Variants in ZNF318 observed in about 807,000 individuals in gnomAD.
The protein encoded by ZNF318 is endocrine regulator.
ZNF318 carries 51 observed loss-of-function variants against 124.2 expected under a neutral mutation model. That is an observed-to-expected ratio of 0.41 (90% CI 0.33 to 0.52). The LOEUF (loss-of-function observed/expected upper bound fraction) is 0.52, where lower values mean the gene tolerates loss of function less well. Ranked by LOEUF, ZNF318 falls within the 20% of genes least tolerant of loss-of-function variation. ZNF318 has a pLI of 0.23. For missense variants in ZNF318, 2,815 were observed against 2,811.2 expected (o/e 1.00, Z -0.03); for synonymous variants, 1,090 against 1,040.7 (o/e 1.05, Z -0.91).
Position 43,339,405 on chromosome 6 carries a change from C to A in ZNF318, c.4593G>T (p.Leu1531=), listed in dbSNP as rs760134728. 6.2e-7 allele frequency: 1 copy of A among 1,613,040 alleles called. No homozygotes were observed. ...GTGGAGGACGTACTAACACAGAGAA[C>A]AGGGTCTGGTCTCGGTCACTCTCAC... is the stretch of plus-strand genomic sequence containing the variant. ...GVSESDRDQT[L]FSVLVRPPPP... is the part of the protein sequence containing the mutation. The change falls in exon 10 of 10, where the codon CTG becomes CTT. Residue 1531 remains leucine (L), a synonymous_variant. Transcript: ENST00000361428. The surrounding 1 kb of genome is among the most constrained non-coding windows in gnomAD (Gnocchi z 4.2).
rs1562128345 is a variant in ZNF318 at position 43,339,648 on chromosome 6, TGGAGGTGGG to T, written c.4341_4349del (p.Pro1454_Pro1456del). 1 of 785,822 alleles carries T rather than the reference TGGAGGTGGG, an allele frequency of 1.3e-6. No individual in the cohort carries two copies. Among genetic ancestry groups the T allele is most frequent in the Non-Finnish European group, 1.8e-6 (1 of 540,628 alleles). The allele number at this position is 785,822 out of a possible 1,614,324, so 48.7% of individuals were successfully genotyped here. A position where few individuals can be genotyped will look rare whatever the true frequency, so the allele number is the denominator to read the frequency against. ...GTATAACGGGGGGTGGTGGAGGTGG[TGGAGGTGGG>T]GGTGGTGGAGGAGGTGGTAGTATTT... On this transcript the variant is annotated inframe_deletion, in exon 10 of 10. Coordinates refer to ENST00000361428, the MANE Select transcript of ZNF318 (RefSeq NM_014345.3). The surrounding 1 kb of genome is among the most constrained non-coding windows in gnomAD (Gnocchi z 4.2).
At chr6:43,368,734 C>T (rs1302662005) in intron 1 of ZNF318, 5 of 985,356 alleles carry the variant, frequency 5.1e-6, no homozygotes, top group Non-Finnish European at 6.0e-6. Flanking sequence ...ACAGCCTATT[C>T]CTAAGGAACG....
At chr6:43,347,685 C>T (rs776479058) in intron 6 of ZNF318, among the ~76,000 whole-genome samples, 2 of 152,126 alleles carry the variant, frequency 1.3e-5, no homozygotes, top group Non-Finnish European at 2.9e-5. Context: ...ACTCAGAAGA[C>T]TCATTTGACT....
At chr6:43,342,468 C>G (rs906994625) in intron 7 of ZNF318, among the ~76,000 whole-genome samples, 1 of 152,104 alleles carries the variant, frequency 6.6e-6, no homozygotes, top group Non-Finnish European at 1.5e-5. Context: ...ACCTCACTTA[C>G]ACTTGTCATG....
Position 43,337,826 on chromosome 6 carries a change from C to G in ZNF318, c.6172G>C (p.Asp2058His), listed in dbSNP as rs766279246. 2 of 1,614,012 alleles carry G rather than the reference C, an allele frequency of 1.2e-6. No homozygotes were observed. The highest frequency in any genetic ancestry group is 1.3e-5 in the African/African-American group (1 of 74,898). The change falls in exon 10 of 10, where the codon GAT becomes CAT. Residue 2058 changes from aspartate to histidine, a missense_variant. Asp to His is a moderately conservative substitution (Grantham distance 81). This residue lies in a region of ZNF318 where 927 missense variants were observed against 820.6 expected (regional missense o/e 1.13). Transcript: ENST00000361428. ...SVSPIGCNSS[D>H]PADFEPIPSF... ...GGGATTGGTTCGAAGTCAGCGGGAT[C>G]GGAGGAATTACACCCTATAGGTGAT...
Position 43,355,775 on chromosome 6 carries a change from G to A in ZNF318, c.1559C>T (p.Thr520Ile). Residue 520 changes from threonine (T) to isoleucine (I), a missense_variant, in exon 4 of 10, where the codon ACA becomes ATA. Thr to Ile is a moderately conservative substitution (Grantham distance 89). Around this residue, in one of 4 missense-constraint regions of ZNF318, gnomAD observed 1,377 missense variants for 1,353.5 expected, o/e 1.02. Transcript: ENST00000361428. ...AAAGCTACGTCGCCTTTTTTCCTGT[G>A]TACTGGTAGAATCAGCCAACATGCT... Reference protein sequence around the residue: ...ILSMLADSTSTQEKRRRSFPD... With the variant: ...ILSMLADSTSIQEKRRRSFPD... 2 of 1,614,120 alleles carry A rather than the reference G, an allele frequency of 1.2e-6. No individual in the cohort carries two copies. Among genetic ancestry groups the A allele is most frequent in the African/African-American group, 1.3e-5 (1 of 75,018 alleles).
rs1175369141 is a variant in ZNF318 at position 43,342,577 on chromosome 6, G to A, written c.3276+99C>T. The A allele has an allele frequency of 7.6e-6, 10 of 1,309,830 alleles. No individual in the cohort carries two copies. The Admixed American group carries it at 9.0e-5, about 12-fold the overall frequency. The allele number at this position is 1,309,830 out of a possible 1,614,324, so 81.1% of individuals were successfully genotyped here. ...TTCAGACTGGGGCTCCTGCCCATAT[G>A]AGAATGTTTCCTTTTCCAGCTTTGC... On this transcript the variant is annotated intron_variant, in intron 7 of 9. Transcript: ENST00000361428.
chr6:43,357,839 T>TG, intron 2 of ZNF318, 74 bp from the exon 3 acceptor site: 1 of 1,392,954 alleles, frequency 7.2e-7, no homozygotes, highest in Non-Finnish European at 9.7e-7. Flanking sequence ...AAGAGACTGG[T>TG]GTTTGTCAAG....
rs1342688461 is a variant in ZNF318 at position 43,342,274 on chromosome 6, CT to C, written c.3277-64del. ...TAAAAGCTCAATGACCCACTTTTCT[CT>C]TTTTTTTCCCCCATAATAAGACCAG... On this transcript the variant is annotated intron_variant, in intron 7 of 9. Coordinates refer to ENST00000361428, the MANE Select transcript of ZNF318 (RefSeq NM_014345.3). The C allele has an allele frequency of 3.3e-5, 44 of 1,351,372 alleles. 1 individual carries two copies. Among genetic ancestry groups the C allele is most frequent in the African/African-American group, 7.3e-5 (5 of 68,060 alleles). 83.7% of individuals were successfully genotyped at this position (1,351,372 alleles called of 1,614,324 possible). A position where few individuals can be genotyped will look rare whatever the true frequency, so the allele number is the denominator to read the frequency against.
intron 7 of ZNF318, 35 bp from the exon 8 acceptor site, chr6:43,342,246 C>A: frequency 6.6e-7 from 1 of 1,517,876 alleles, no homozygotes. Context: ...CACACAACAG[C>A]ACTAAAAGCT....
At chr6:43,341,458 C>G (rs908279453) in intron 8 of ZNF318, among the ~76,000 whole-genome samples, 1 of 152,088 alleles carries the variant, frequency 6.6e-6, no homozygotes, top group African/African-American at 2.4e-5. Context: ...CGAGACCATC[C>G]TGGCTAACAC....
In ZNF318 at chr6:43,353,687, T is replaced by C. The variant is rs1315251377; in HGVS notation, c.2670+977A>G. Among the ~76,000 whole-genome samples the C allele has an allele frequency of 2.0e-5, 3 of 152,214 alleles. No individual in the cohort carries two copies. In the East Asian group the frequency reaches 5.8e-4, roughly 29 times the overall value. On this transcript the variant is annotated intron_variant, in intron 4 of 9. Transcript: ENST00000361428. The stretch of plus-strand genomic sequence containing the variant: ...CCACGCCCAGCCAGGTCTTAACTTT[T>C]ATGAGCAAACCAAATTAGACACATT...
chr6:43,356,167 A>G (rs1562134250), intron 3 of ZNF318, 22 bp from the exon 4 acceptor site: 1 of 1,594,082 alleles, frequency 6.3e-7, no homozygotes. Flanking sequence ...AACACAACTG[A>G]TTTAGTCTTA....
intron 2 of ZNF318, chr6:43,363,815 A>C: frequency 1.1e-6 from 1 of 903,190 alleles, no homozygotes; most frequent in South Asian, 1.5e-5. Context: ...GGGGACTACA[A>C]TGGCCACGTC....
rs767802216 is a variant in ZNF318, at chr6:43,357,121, G to A, written c.1188+5C>T. 6 of 1,603,692 alleles carry A rather than the reference G, an allele frequency of 3.7e-6. No individual in the cohort carries two copies. The South Asian group carries it at 6.7e-5, about 18-fold the overall frequency. ...AAGAGGCCCTACAAGAAATGCAGCA[G>A]AGACCTGCATGGAGGGCTCCATTAT... is the stretch of plus-strand genomic sequence containing the variant. On this transcript the variant is annotated splice_donor_5th_base_variant and intron_variant, in intron 3 of 9. Coordinates refer to ENST00000361428, the MANE Select transcript of ZNF318 (RefSeq NM_014345.3).
chr6:43,354,757 G>A lies in ZNF318; in HGVS notation c.2577C>T (p.Ala859=). ...KESLRGSIPA[A]QVPVQVSIPS... is the part of the protein sequence containing the mutation. ...GAATGGACACCTGGACAGGCACTTG[G>A]GCCGCAGGAATTGAGCCTCGCAGAG... is the stretch of plus-strand genomic sequence containing the variant. The change falls in exon 4 of 10, where the codon GCC becomes GCT. Residue 859 remains alanine (A), a synonymous_variant. Coordinates refer to ENST00000361428, the MANE Select transcript of ZNF318 (RefSeq NM_014345.3). The A allele has an allele frequency of 6.2e-7, 1 of 1,614,134 alleles. No individual in the cohort carries two copies. Among genetic ancestry groups the A allele is most frequent in the South Asian group, 1.1e-5 (1 of 91,084 alleles).
Position 43,369,271 on chromosome 6 carries a change from G to T in ZNF318, c.95C>A (p.Ser32Tyr). ...GPRSGRSSGS[S>Y]SGPARRSSPP... is the part of the protein sequence containing the mutation. ...TGAGCTGCGGCGAGCCGGGCCTGAG[G>T]AGGAGCCAGAGCTGCGGCCGCTGCG... Residue 32 changes from serine to tyrosine, a missense_variant, in exon 1 of 10, where the codon TCC becomes TAC. Ser to Tyr is a moderately radical substitution (Grantham distance 144). Around this residue, in one of 4 missense-constraint regions of ZNF318, gnomAD observed 1,377 missense variants for 1,353.5 expected, o/e 1.02. Transcript: ENST00000361428. 1 of 1,310,582 alleles carries T rather than the reference G, an allele frequency of 7.6e-7. No individual in the cohort carries two copies. Among genetic ancestry groups the T allele is most frequent in the Non-Finnish European group, 9.7e-7 (1 of 1,026,740 alleles). The allele number at this position is 1,310,582 out of a possible 1,614,324, so 81.2% of individuals were successfully genotyped here.
In ZNF318 at chr6:43,338,625, C is replaced by T. The variant is rs111683108; in HGVS notation, c.5373G>A (p.Gly1791=). ...LKERVKELSE[G]IVDEGVSTSI... ...TGGTACTTACTCCCTCATCAACTAT[C>T]CCCTCAGACAGCTCCTTTACCCTTT... is the stretch of plus-strand genomic sequence containing the variant. Residue 1791 remains glycine, a synonymous_variant, in exon 10 of 10, where the codon GGG becomes GGA. Coordinates refer to ENST00000361428, the MANE Select transcript of ZNF318 (RefSeq NM_014345.3). 2 of 1,614,028 alleles carry T rather than the reference C, an allele frequency of 1.2e-6. No individual in the cohort carries two copies. The highest frequency in any genetic ancestry group is 1.7e-5 in the Admixed American group (1 of 59,996).
At chr6:43,351,832 G>A (rs1779527590) in intron 5 of ZNF318, among the ~76,000 whole-genome samples, 1 of 151,862 alleles carries the variant, frequency 6.6e-6, no homozygotes, top group South Asian at 2.1e-4. Flanking sequence ...AAAAGATAGA[G>A]CAAGCGTATT....
Sources: allele counts gnomAD v4.1 joint callset (sites outside exome capture counted in the v4.1 genomes callset), GRCh38; gene constraint gnomAD v4.1.1; regional missense constraint gnomAD v4.1.1; non-coding constraint Gnocchi (gnomAD v3.1); transcripts MANE v1.5; gene names NCBI Gene and HGNC (gene_info 2026-07-23, HGNC 2026-07-21).